The following HPSE2 variants were observed in gnomAD, a reference collection of about 807,000 sequenced individuals.
The protein encoded by HPSE2 is heparanase 2 (inactive).
In HPSE2, 38 loss-of-function variants were observed where a neutral mutation model predicts 60.5. The observed-to-expected ratio is 0.63, with a 90% CI of 0.48 to 0.82. HPSE2 has a LOEUF of 0.82. HPSE2 is among the 40% of genes least tolerant of loss of function. The pLI is 0.00. For synonymous variants in HPSE2, 295 were observed against 293.2 expected (o/e 1.01, Z -0.06); for missense variants, 713 against 740.4 (o/e 0.96, Z 0.43).
intron 5 of HPSE2, among the ~76,000 whole-genome samples, chr10:98,696,557 T>C (rs966985208): frequency 2.6e-5 from 4 of 151,432 alleles, no homozygotes; most frequent in African/African-American, 9.7e-5. Flanking sequence ...AACCCATGGA[T>C]TGGAAGATCC....
chr10:98,636,622 T>C (rs1224322847), intron 7 of HPSE2, among the ~76,000 whole-genome samples: 2 of 152,174 alleles, frequency 1.3e-5, no homozygotes, highest in East Asian at 3.9e-4. Context: ...ACAATTATTA[T>C]ATGTCAATTA....
At chr10:99,200,983 G>T (rs1848558245) in intron 2 of HPSE2, among the ~76,000 whole-genome samples, 1 of 152,086 alleles carries the variant, frequency 6.6e-6, no homozygotes, top group Non-Finnish European at 1.5e-5. Flanking sequence ...TTTTAGGAGA[G>T]GACTCAGGCA....
chr10:98,486,404 C>A (rs1388183141), intron 10 of HPSE2, among the ~76,000 whole-genome samples: 1 of 152,084 alleles, frequency 6.6e-6, no homozygotes, highest in East Asian at 1.9e-4. Context: ...CTGAGAGGAC[C>A]ATCTATCTTG....
chr10:99,137,456 A>G (rs1845701562), intron 3 of HPSE2, among the ~76,000 whole-genome samples: 1 of 152,232 alleles, frequency 6.6e-6, no homozygotes, highest in Non-Finnish European at 1.5e-5. Context: ...AGCAACAAGA[A>G]CAAAGCTGGA....
chr10:98,766,382 C>A (rs566813303), intron 3 of HPSE2, among the ~76,000 whole-genome samples: 1 of 152,240 alleles, frequency 6.6e-6, no homozygotes, highest in Non-Finnish European at 1.5e-5. Flanking sequence ...GAAATAATAC[C>A]ATTTCTAAAC....
rs1428422538 is a variant in HPSE2, at chr10:98,898,669, C to CA, written c.611-154614dup. Among the ~76,000 whole-genome samples, 5 of 151,584 alleles carry CA rather than the reference C, an allele frequency of 3.3e-5. No individual in the cohort carries two copies. In the East Asian group the frequency reaches 7.8e-4, roughly 24 times the overall value. The stretch of plus-strand genomic sequence containing the variant: ...TAGGTACATGACACAATCCATTTGA[C>CA]AAAAAAATAAAACAGCACACAAAAG... On this transcript the variant is annotated intron_variant, in intron 3 of 11. Coordinates refer to ENST00000370552, the MANE Select transcript of HPSE2 (RefSeq NM_021828.5).
At chr10:98,675,062 A>T (rs961385088) in intron 6 of HPSE2, among the ~76,000 whole-genome samples, 1 of 152,222 alleles carries the variant, frequency 6.6e-6, no homozygotes, top group Non-Finnish European at 1.5e-5. Context: ...GGGATTGCAC[A>T]TATGATGCTA....
intron 3 of HPSE2, among the ~76,000 whole-genome samples, chr10:99,067,056 A>T (rs1444912544): frequency 6.6e-6 from 1 of 152,212 alleles, no homozygotes; most frequent in Middle Eastern, 3.2e-3. Context: ...TGCAAATCCA[A>T]AATCCAATGG....
In HPSE2 at chr10:98,489,612, G is replaced by A. The variant is rs75816566; in HGVS notation, c.1466+439C>T. Among the ~76,000 whole-genome samples, 66 of 152,330 alleles carry A rather than the reference G, an allele frequency of 4.3e-4. 1 individual carries two copies. The East Asian group carries it at 0.012, about 29-fold the overall frequency. On this transcript the variant is annotated intron_variant, in intron 10 of 11. Transcript: ENST00000370552. The stretch of plus-strand genomic sequence containing the variant: ...GCATTGGTCTAGGGCTAGGTTTCTA[G>A]CGGCATATCTCTCCAGCATGCATCT...
At chr10:99,179,289 G>T (rs1847660414) in intron 2 of HPSE2, among the ~76,000 whole-genome samples, 1 of 152,178 alleles carries the variant, frequency 6.6e-6, no homozygotes. Context: ...GCAAAAGAAA[G>T]AAATCAAGGG....
chr10:99,219,890 T>C (rs556808949), intron 2 of HPSE2, among the ~76,000 whole-genome samples: 1 of 152,366 alleles, frequency 6.6e-6, no homozygotes, highest in Admixed American at 6.5e-5. Flanking sequence ...TAAAAATCTT[T>C]ATTTGTTGGC....
the HPSE2 span, among the ~76,000 whole-genome samples, chr10:99,279,065 A>G: frequency 6.6e-6 from 1 of 151,782 alleles, no homozygotes; most frequent in Admixed American, 6.6e-5. Context: ...CTAGTTGTTG[A>G]GCTCATATGG....
the HPSE2 span, among the ~76,000 whole-genome samples, chr10:99,264,962 T>C: frequency 6.6e-6 from 1 of 152,026 alleles, no homozygotes; most frequent in South Asian, 2.1e-4. Flanking sequence ...CACTTCACCA[T>C]TTTGTTTTTT....
Position 98,583,507 on chromosome 10 carries a change from C to T in HPSE2, c.1320+31397G>A, listed in dbSNP as rs150557028. On this transcript the variant is annotated intron_variant, in intron 9 of 11. Transcript: ENST00000370552. ...TACAAGTTTTACCTAGAAACTGCTG[C>T]CATTCACCAATCAGAACTTGCCTGC... 2.4e-3 allele frequency among the ~76,000 whole-genome samples: 367 copies of T among 152,296 alleles called. 4 individuals are homozygous for T. The Middle Eastern group carries it at 0.037, about 16-fold the overall frequency.
chr10:98,807,541 T>C (rs1267040527), intron 3 of HPSE2, among the ~76,000 whole-genome samples: 10 of 152,224 alleles, frequency 6.6e-5, no homozygotes, highest in Non-Finnish European at 1.5e-4. Flanking sequence ...TAGTACTCAA[T>C]AAATGTTAGC....
intron 3 of HPSE2, among the ~76,000 whole-genome samples, chr10:99,104,432 G>C (rs996408243): frequency 6.6e-5 from 10 of 152,188 alleles, no homozygotes; most frequent in Non-Finnish European, 1.0e-4. Flanking sequence ...GAGAGGATGT[G>C]GAGAAATAGG....
intron 3 of HPSE2, among the ~76,000 whole-genome samples, chr10:99,034,338 TG>T (rs924674565): frequency 6.6e-6 from 1 of 152,116 alleles, no homozygotes; most frequent in Non-Finnish European, 1.5e-5. Flanking sequence ...GTGGCTGCCA[TG>T]GGTTGGAGTG....
At chr10:99,251,398 C>T in the HPSE2 span, among the ~76,000 whole-genome samples, 50 of 133,056 alleles carry the variant, frequency 3.8e-4, no homozygotes, top group African/African-American at 1.2e-3. Context: ...GATTAACAGC[C>T]GAATTCTACC....
chr10:98,779,386 G>C (rs762421370), intron 3 of HPSE2, among the ~76,000 whole-genome samples: 4 of 152,104 alleles, frequency 2.6e-5, no homozygotes, highest in Non-Finnish European at 5.9e-5. Context: ...CTTAAAGCTA[G>C]AGAAAGGACC....
Sources: gnomAD v4.1 joint callset for allele counts (sites outside exome capture counted in the v4.1 genomes callset) on GRCh38, gnomAD v4.1.1 for gene constraint, MANE v1.5 for transcripts, NCBI Gene and HGNC (gene_info 2026-07-23, HGNC 2026-07-21) for gene names.